The following MYO10 variants were observed in gnomAD, a reference collection of about 807,000 sequenced individuals.
The protein encoded by MYO10 is unconventional myosin-X.
Under a neutral mutation model 257.3 loss-of-function variants are expected in MYO10, and 133 were observed. The observed-to-expected ratio is 0.52, with a 90% confidence interval of 0.45 to 0.60. The LOEUF (loss-of-function observed/expected upper bound fraction) is 0.60. MYO10 is among the 20% of genes least tolerant of loss of function. The probability of loss-of-function intolerance (pLI) is 0.00; values close to 1 mark genes in which losing one functional copy is unlikely to be tolerated. For missense variants in MYO10, 2,399 were observed against 2,635.7 expected (o/e 0.91, Z 1.97); for synonymous variants, 1,104 against 1,028.6 (o/e 1.07, Z -1.40).
chr5:16,690,632 C>T (rs1178336929), intron 27 of MYO10, among the ~76,000 whole-genome samples: 3 of 152,104 alleles, frequency 2.0e-5, no homozygotes, highest in African/African-American at 7.2e-5. Context: ...CTCAAATCTA[C>T]AAAAGCCAAC....
chr5:16,750,753 T>C (rs551775015), intron 19 of MYO10, among the ~76,000 whole-genome samples: 2 of 152,288 alleles, frequency 1.3e-5, no homozygotes, highest in East Asian at 3.9e-4. Flanking sequence ...CCCAGCACTT[T>C]GGGAGGCCGA....
At chr5:16,816,152 C>T (rs1742600391) in intron 3 of MYO10, among the ~76,000 whole-genome samples, 1 of 151,470 alleles carries the variant, frequency 6.6e-6, no homozygotes, top group Non-Finnish European at 1.5e-5. Flanking sequence ...ACCATCCTGA[C>T]CAACATGGTG....
rs181336363 is a variant in MYO10, at chr5:16,913,338, G to C, written c.21+22450C>G. ...CAATAAAGCACAGAGATGCATAGTT[G>C]GTAATGCTAGAAGGAATCCAAGCCT... On this transcript the variant is annotated intron_variant, in intron 1 of 40. Coordinates refer to ENST00000513610, the MANE Select transcript of MYO10 (RefSeq NM_012334.3). Among the ~76,000 whole-genome samples, 549 of 152,250 alleles carry C rather than the reference G, an allele frequency of 3.6e-3. 4 individuals are homozygous for C. Among genetic ancestry groups the C allele is most frequent in the African/African-American group, 0.013 (530 of 41,546 alleles).
intron 1 of MYO10, among the ~76,000 whole-genome samples, chr5:16,881,905 T>G (rs1744763690): frequency 6.6e-6 from 1 of 152,182 alleles, no homozygotes; most frequent in Admixed American, 6.5e-5. Flanking sequence ...GGCTGATAAT[T>G]TAATACATTA....
chr5:16,926,836 CA>C (rs1286954256), intron 1 of MYO10, among the ~76,000 whole-genome samples: 5 of 151,786 alleles, frequency 3.3e-5, no homozygotes, highest in East Asian at 1.9e-4. Context: ...AAAATATGGA[CA>C]AAAAAATAGA....
In MYO10 at chr5:16,681,456, T is replaced by G. The variant is rs1736997717; in HGVS notation, c.4237A>C (p.Lys1413Gln). The G allele has an allele frequency of 6.2e-7, 1 of 1,613,766 alleles. No homozygotes were observed. Among genetic ancestry groups the G allele is most frequent in the African/African-American group, 1.3e-5 (1 of 74,914 alleles). Residue 1413 changes from lysine to glutamine, a missense_variant, in exon 32 of 41, where the codon AAA becomes CAA. Physicochemically the swap from Lys to Gln is moderately conservative, Grantham distance 53. Around this residue, in one of 3 missense-constraint regions of MYO10, gnomAD observed 1,820 missense variants for 1,939.4 expected, o/e 0.94. Transcript: ENST00000513610. ...AGTACAAACCACCGTTTCTTCAGTT[T>G]CAGTGAAGACATCTTTGGACTGTTC... is the stretch of plus-strand genomic sequence containing the variant. ...VKNSPKMSSL[K>Q]LKKRWFVLTH...
At chr5:16,838,061 TG>T (rs2126724288) in intron 2 of MYO10, among the ~76,000 whole-genome samples, 1 of 152,284 alleles carries the variant, frequency 6.6e-6, no homozygotes, top group South Asian at 2.1e-4. Flanking sequence ...CTCCCTCTCC[TG>T]GGGCCTTCAT....
At chr5:16,671,870 T>C (rs933051826) in intron 37 of MYO10, among the ~76,000 whole-genome samples, 1 of 152,248 alleles carries the variant, frequency 6.6e-6, no homozygotes, top group Non-Finnish European at 1.5e-5. Context: ...TTATTACCTT[T>C]ACCAAGCCTC....
intron 11 of MYO10, among the ~76,000 whole-genome samples, chr5:16,765,633 CGTAA>C (rs566945951): frequency 1.2e-4 from 18 of 152,200 alleles, no homozygotes; most frequent in African/African-American, 3.4e-4. Context: ...ACATTATTGT[CGTAA>C]GTAATGTTTA....
intron 3 of MYO10, among the ~76,000 whole-genome samples, chr5:16,809,109 C>T (rs1471657364): frequency 1.3e-5 from 2 of 151,788 alleles, no homozygotes; most frequent in African/African-American, 4.8e-5. Context: ...TTTTAAAATA[C>T]ATATAGTCAG....
chr5:16,781,972 G>A, intron 5 of MYO10, 143 bp from the exon 6 acceptor site: 1 of 1,012,066 alleles, frequency 9.9e-7, no homozygotes, highest in African/African-American at 1.6e-5. Flanking sequence ...TTTATTTCCG[G>A]AAGAGCCAGA....
intron 2 of MYO10, among the ~76,000 whole-genome samples, chr5:16,864,319 G>C (rs1035601934): frequency 6.6e-6 from 1 of 151,990 alleles, no homozygotes; most frequent in South Asian, 2.1e-4. Flanking sequence ...CATTATAAGG[G>C]GCCTCTCTGG....
At chr5:16,911,640 G>A (rs1439043581) in intron 1 of MYO10, among the ~76,000 whole-genome samples, 1 of 151,956 alleles carries the variant, frequency 6.6e-6, no homozygotes, top group Non-Finnish European at 1.5e-5. Context: ...ACTGAGGCAG[G>A]AGGATCGCTT....
chr5:16,837,235 G>A (rs1363282366), intron 2 of MYO10, among the ~76,000 whole-genome samples: 10 of 152,040 alleles, frequency 6.6e-5, no homozygotes, highest in South Asian at 2.1e-4. Flanking sequence ...GCTGAAACCC[G>A]GGAGGCACAG....
chr5:16,694,729 G>A (rs1028434765), intron 26 of MYO10, 115 bp from the exon 27 acceptor site: 26 of 1,340,118 alleles, frequency 1.9e-5, no homozygotes, highest in South Asian at 3.9e-5. Context: ...TGCCCCAGCC[G>A]CAGCACCGCA....
intron 4 of MYO10, among the ~76,000 whole-genome samples, chr5:16,791,514 A>C (rs889518266): frequency 2.6e-5 from 4 of 151,410 alleles, no homozygotes; most frequent in African/African-American, 9.7e-5. Flanking sequence ...TACCATGAAA[A>C]TGCCAACCTC....
Position 16,794,851 on chromosome 5 carries a change from G to A in MYO10, c.280-18C>T. On this transcript the variant is annotated intron_variant, in intron 3 of 40. Coordinates refer to ENST00000513610, the MANE Select transcript of MYO10 (RefSeq NM_012334.3). ...ATGTAGGTCTGCAAGCACAGAGTGA[G>A]ACAGGGATGCGTCACTTCTAACCCA... 6.9e-7 allele frequency: 1 copy of A among 1,459,626 alleles called. No homozygotes were observed. The highest frequency in any genetic ancestry group is 9.1e-7 in the Non-Finnish European group (1 of 1,096,342). The allele number at this position is 1,459,626 out of a possible 1,614,324, so 90.4% of individuals were successfully genotyped here.
intron 2 of MYO10, among the ~76,000 whole-genome samples, chr5:16,869,856 C>A (rs560933784): frequency 7.0e-6 from 1 of 143,846 alleles, no homozygotes; most frequent in African/African-American, 2.6e-5. Context: ...AAGAGCAAGA[C>A]TCCATTTCAA....
intron 31 of MYO10, 42 bp from the exon 32 acceptor site, chr5:16,681,545 G>A: frequency 6.5e-7 from 1 of 1,537,968 alleles, no homozygotes; most frequent in Non-Finnish European, 8.8e-7. Flanking sequence ...TCTGTGAGGA[G>A]AAACCCCAAA....
Sources: gnomAD v4.1 joint callset for allele counts (sites outside exome capture counted in the v4.1 genomes callset) on GRCh38, gnomAD v4.1.1 for gene constraint, gnomAD v4.1.1 regional missense constraint, MANE v1.5 for transcripts, NCBI Gene and HGNC (gene_info 2026-07-23, HGNC 2026-07-21) for gene names.